MEIS2: variants seen among roughly 807,000 people sequenced by gnomAD.
The protein encoded by MEIS2 is Meis homeobox 2.
In MEIS2, 9 loss-of-function variants were observed where a neutral mutation model predicts 58.6. The ratio of observed to expected loss-of-function variants is 0.15; its 90% confidence interval spans 0.09 to 0.27. MEIS2 has a LOEUF of 0.27. Among genes scored for constraint, MEIS2 ranks in the 10% least tolerant of loss-of-function variants. The probability of loss-of-function intolerance (pLI) is 1.00; values close to 1 mark genes in which losing one functional copy is unlikely to be tolerated. For synonymous variants in MEIS2, 221 were observed against 228.4 expected, an observed-to-expected ratio of 0.97 and a Z score of 0.29; for missense variants, 427 against 635.0, an observed-to-expected ratio of 0.67 and a Z score of 3.52.
chr15:36,930,219 A>AAG (rs973270815), intron 9 of MEIS2, among the ~76,000 whole-genome samples: 11 of 148,128 alleles, frequency 7.4e-5, no homozygotes, highest in Non-Finnish European at 8.9e-5. Context: ...AAAAAAAAAA[A>AAG]AGAGAGAGAG....
intron 9 of MEIS2, among the ~76,000 whole-genome samples, chr15:36,902,229 T>G (rs2056511886): frequency 6.6e-6 from 1 of 152,196 alleles, no homozygotes; most frequent in Non-Finnish European, 1.5e-5. Flanking sequence ...AGATAGTAAT[T>G]AGGAATAGGT....
intron 9 of MEIS2, among the ~76,000 whole-genome samples, chr15:36,930,931 C>T (rs1036113316): frequency 3.3e-5 from 5 of 151,954 alleles, no homozygotes; most frequent in Non-Finnish European, 5.9e-5. Context: ...CCACGTAGTT[C>T]GAAAGTTGCC....
intron 8 of MEIS2, among the ~76,000 whole-genome samples, chr15:36,995,382 T>C (rs2060440340): frequency 6.6e-6 from 1 of 152,084 alleles, no homozygotes; most frequent in Non-Finnish European, 1.5e-5. Context: ...CCTAGATAAA[T>C]GAAAACCACC....
chr15:37,032,548 T>C (rs2141719068), intron 8 of MEIS2, among the ~76,000 whole-genome samples: 1 of 152,328 alleles, frequency 6.6e-6, no homozygotes, highest in East Asian at 1.9e-4. Context: ...TGTCTGTTTG[T>C]TTGTTTGTTT....
chr15:37,098,967 A>C, intron 1 of MEIS2: 1 of 985,266 alleles, frequency 1.0e-6, no homozygotes, highest in African/African-American at 1.7e-5. Context: ...CAAGCAGCCC[A>C]GGCTAGTAGT....
intron 7 of MEIS2, among the ~76,000 whole-genome samples, chr15:37,044,565 C>T (rs1480861220): frequency 6.6e-6 from 1 of 152,058 alleles, no homozygotes; most frequent in Non-Finnish European, 1.5e-5. Context: ...ACCTTTAATC[C>T]TTCCTGTTGG....
chr15:36,996,532 A>C (rs2060527091), intron 8 of MEIS2, among the ~76,000 whole-genome samples: 1 of 152,208 alleles, frequency 6.6e-6, no homozygotes, highest in African/African-American at 2.4e-5. Flanking sequence ...GCAATAATGA[A>C]GTCTCATCAT....
chr15:36,954,592 T>C (rs2058887945), intron 8 of MEIS2, among the ~76,000 whole-genome samples: 1 of 151,948 alleles, frequency 6.6e-6, no homozygotes, highest in Non-Finnish European at 1.5e-5. Flanking sequence ...GGTAACTCTT[T>C]CATGGACATT....
At chr15:36,921,010 A>G (rs1435064890) in intron 9 of MEIS2, among the ~76,000 whole-genome samples, 1 of 151,906 alleles carries the variant, frequency 6.6e-6, no homozygotes, top group East Asian at 1.9e-4. Context: ...AACAAAAACA[A>G]AAAAAAACCT....
intron 8 of MEIS2, among the ~76,000 whole-genome samples, chr15:36,954,151 T>C (rs984383468): frequency 6.6e-6 from 1 of 152,114 alleles, no homozygotes; most frequent in Non-Finnish European, 1.5e-5. Flanking sequence ...TAAATGTCTA[T>C]CAACTGGATG....
intron 7 of MEIS2, among the ~76,000 whole-genome samples, chr15:37,037,714 C>A (rs1159330615): frequency 1.3e-5 from 2 of 152,206 alleles, no homozygotes; most frequent in African/African-American, 2.4e-5. Context: ...TGAAAGCCTG[C>A]CTGGAGGGCA....
chr15:36,920,118 TTTTATTTA>T (rs199959581), intron 9 of MEIS2, among the ~76,000 whole-genome samples: 6,891 of 134,656 alleles, frequency 0.051, 193 homozygotes, highest in African/African-American at 0.061. Context: ...CCTATACTGC[TTTTATTTA>T]TTTATTTATT....
chr15:36,967,396 T>C (rs967724113), intron 8 of MEIS2, among the ~76,000 whole-genome samples: 5 of 152,164 alleles, frequency 3.3e-5, no homozygotes, highest in African/African-American at 1.2e-4. Flanking sequence ...TAGGACAGTG[T>C]CCTTTGCATT....
At chr15:37,045,554 C>T (rs1249714953) in intron 7 of MEIS2, among the ~76,000 whole-genome samples, 1 of 152,072 alleles carries the variant, frequency 6.6e-6, no homozygotes, top group African/African-American at 2.4e-5. Flanking sequence ...ACTTGCTTTC[C>T]AAAAACCATC....
intron 9 of MEIS2, among the ~76,000 whole-genome samples, chr15:36,949,128 C>T (rs1316519402): frequency 6.6e-6 from 1 of 151,746 alleles, no homozygotes; most frequent in Non-Finnish European, 1.5e-5. Flanking sequence ...AAATGCTATC[C>T]ACACTATAGG....
At chr15:36,913,021 A>C (rs1246166431) in intron 9 of MEIS2, among the ~76,000 whole-genome samples, 2 of 152,198 alleles carry the variant, frequency 1.3e-5, no homozygotes, top group Non-Finnish European at 2.9e-5. Context: ...CAGCAGAAGA[A>C]AAACTCCTTG....
At position 37,096,291 on chromosome 15, in the gene MEIS2, G is replaced by T. The variant is rs760278105; in HGVS notation, c.385C>A (p.Gln129Lys). 2 of 1,606,162 alleles carry T rather than the reference G, an allele frequency of 1.2e-6. No homozygotes were observed. The highest frequency in any genetic ancestry group is 2.2e-5 in the South Asian group (2 of 90,032). ...TGAGTGGATCAAGAAGGCTGGACCT[G>T]CTTGGCGAAGACCGCGATGTCCTCG... ...FNEDIAVFAK[Q>K]VRAEKPLFSS... The change falls in exon 3 of 12, where the codon CAG becomes AAG. Residue 129 changes from glutamine to lysine, a missense_variant and splice_region_variant. Around this residue, in one of 6 missense-constraint regions of MEIS2, gnomAD observed 138 missense variants for 263.0 expected, o/e 0.52. Coordinates refer to ENST00000561208, the MANE Select transcript of MEIS2 (RefSeq NM_170675.5).
chr15:37,010,289 A>G (rs924716930), intron 8 of MEIS2, among the ~76,000 whole-genome samples: 3 of 152,026 alleles, frequency 2.0e-5, no homozygotes, highest in South Asian at 2.1e-4. Context: ...GGGTTTCACC[A>G]TGTTAGCCAG....
At chr15:36,931,632 G>A (rs1372726175) in intron 9 of MEIS2, among the ~76,000 whole-genome samples, 3 of 152,148 alleles carry the variant, frequency 2.0e-5, no homozygotes, top group African/African-American at 7.2e-5. Context: ...CCGGAAACCA[G>A]AAAAATGCAT....
Sources: allele counts gnomAD v4.1 joint callset (sites outside exome capture counted in the v4.1 genomes callset), GRCh38; gene constraint gnomAD v4.1.1; regional missense constraint gnomAD v4.1.1; transcripts MANE v1.5; gene names NCBI Gene and HGNC (gene_info 2026-07-23, HGNC 2026-07-21).